DCUN1D5: variants seen among roughly 807,000 people sequenced by gnomAD.
DCUN1D5 encodes DCN1-like protein 5.
DCUN1D5 carries 10 observed loss-of-function variants against 38.3 expected under a neutral mutation model. That is an observed-to-expected ratio of 0.26 (90% CI 0.16 to 0.44). The LOEUF is 0.44. Among genes scored for constraint, DCUN1D5 ranks in the 20% least tolerant of loss-of-function variants. DCUN1D5 has a pLI of 1.00. For missense variants in DCUN1D5, 148 were observed against 275.3 expected, an observed-to-expected ratio of 0.54 and a Z score of 3.27; for synonymous variants, 93 against 90.9, an observed-to-expected ratio of 1.02 and a Z score of -0.13.
chr11:103,074,922 T>C (rs1203495504), intron 4 of DCUN1D5, among the ~76,000 whole-genome samples: 1 of 152,208 alleles, frequency 6.6e-6, no homozygotes, highest in Non-Finnish European at 1.5e-5. Context: ...GGAACCTTTT[T>C]CTGCAAAAAT....
rs71066136 is a variant in DCUN1D5, at chr11:103,051,501, T to TCCCCCCCCC, written c.*10849_*10857dup. ...GATTTGGTGGCTTCACATATTTACT[T>TCCCCCCCCC]CCCCCCCCCCCCCGCCACCCCTGTG... On this transcript the variant is annotated 3_prime_UTR_variant, in exon 8 of 8. Transcript: ENST00000260247. 62 of 111,448 alleles carry TCCCCCCCCC rather than the reference T, an allele frequency of 5.6e-4. 3 individuals are homozygous for TCCCCCCCCC. The highest frequency in any genetic ancestry group is 6.9e-4 in the Non-Finnish European group (39 of 56,718). The allele number at this position is 111,448 out of a possible 1,614,324, so 6.9% of individuals were successfully genotyped here. A position where few individuals can be genotyped will look rare whatever the true frequency, so the allele number is the denominator to read the frequency against.
chr11:103,090,739 C>A (rs1441540740), intron 1 of DCUN1D5, among the ~76,000 whole-genome samples: 1 of 152,114 alleles, frequency 6.6e-6, no homozygotes, highest in Admixed American at 6.5e-5. Flanking sequence ...AGTGAAACCC[C>A]GTCTCTACTA....
chr11:103,091,067 C>T lies in DCUN1D5; in HGVS notation c.86+720G>A, dbSNP rs567948285. Among the ~76,000 whole-genome samples, 53 of 152,198 alleles carry T rather than the reference C, an allele frequency of 3.5e-4. No individual in the cohort carries two copies. Among genetic ancestry groups the T allele is most frequent in the African/African-American group, 1.3e-3 (52 of 41,522 alleles). ...TAGTTCTGCCTTGTCTTCTTTCTTA[C>T]CAGTAGGACAGAGTACAAGAGCTCA... On this transcript the variant is annotated intron_variant, in intron 1 of 7. Transcript: ENST00000260247. The surrounding 1 kb of genome is among the most constrained non-coding windows in gnomAD (Gnocchi z 4.3).
rs1862049794 is a variant in DCUN1D5, at chr11:103,062,967, T to C, written c.659-553A>G. Among the ~76,000 whole-genome samples the C allele has an allele frequency of 6.6e-6, 1 of 152,144 alleles. No individual in the cohort carries two copies. The highest frequency in any genetic ancestry group is 1.5e-5 in the Non-Finnish European group (1 of 67,984). ...AAACTCATTTGCTGACAGAGCCAAGTAGGCAGTTTAAATGAGCTCAGTGTT... is the reference window on the plus strand; with the variant it reads ...AAACTCATTTGCTGACAGAGCCAAGCAGGCAGTTTAAATGAGCTCAGTGTT... On this transcript the variant is annotated intron_variant, in intron 7 of 7. Transcript: ENST00000260247. The surrounding 1 kb of genome is among the most constrained non-coding windows in gnomAD (Gnocchi z 4.6).
Position 103,091,935 on chromosome 11 carries a change from G to T in DCUN1D5, c.-63C>A. 4 of 1,465,116 alleles carry T rather than the reference G, an allele frequency of 2.7e-6. No homozygotes were observed. The South Asian group carries it at 5.0e-5, about 18-fold the overall frequency. The allele number at this position is 1,465,116 out of a possible 1,614,324, so 90.8% of individuals were successfully genotyped here. A position where few individuals can be genotyped will look rare whatever the true frequency, so the allele number is the denominator to read the frequency against. ...GGAAGGGGGTCCCTGTCCGCTGGAA[G>T]CCCCTCAGCGCTGGCACCCAGTTCC... On this transcript the variant is annotated 5_prime_UTR_variant, in exon 1 of 8. Transcript: ENST00000260247. The surrounding 1 kb of genome is among the most constrained non-coding windows in gnomAD (Gnocchi z 4.3).
intron 4 of DCUN1D5, among the ~76,000 whole-genome samples, chr11:103,080,518 CA>C (rs1214760259): frequency 6.9e-6 from 1 of 144,796 alleles, no homozygotes; most frequent in Non-Finnish European, 1.5e-5. Context: ...GGAAAAAAAT[CA>C]ACGATTTTCC....
In DCUN1D5 at chr11:103,077,395, C is replaced by T. The variant is rs1037058240; in HGVS notation, c.341+5353G>A. Among the ~76,000 whole-genome samples the T allele has an allele frequency of 6.6e-5, 10 of 151,910 alleles. No homozygotes were observed. Among genetic ancestry groups the T allele is most frequent in the African/African-American group, 1.5e-4 (6 of 41,334 alleles). On this transcript the variant is annotated intron_variant, in intron 4 of 7. Transcript: ENST00000260247. This position sits in a 1 kb window ranked among gnomAD's most constrained non-coding sequence, Gnocchi z 4.3. Reference sequence around the variant, plus strand: ...AGTTTAGAAAAAAGAATATTTCCTCCGAAATAAAAAGAAATGCATACTTAA... The same window carrying T: ...AGTTTAGAAAAAAGAATATTTCCTCTGAAATAAAAAGAAATGCATACTTAA...
In DCUN1D5 at chr11:103,082,740, T is replaced by A. The variant is rs761781312; in HGVS notation, c.341+8A>T. 15 of 1,594,348 alleles carry A rather than the reference T, an allele frequency of 9.4e-6. 1 individual carries two copies. The East Asian group carries it at 1.3e-4, about 14-fold the overall frequency. ...CCATCAAATTTGTTTTTTAAAAAAA[T>A]TTCTTACTGTAATGAAGTCATTCCC... On this transcript the variant is annotated splice_region_variant and intron_variant, in intron 4 of 7. Coordinates refer to ENST00000260247, the MANE Select transcript of DCUN1D5 (RefSeq NM_032299.4).
Position 103,091,743 on chromosome 11 carries a change from AAAG to A in DCUN1D5, c.86+41_86+43del. ...ACTCCTTTTCCTCCAGTTGTCCAGC[AAAG>A]GAGGGAGGAGGGAAGCTTGAAGGGT... On this transcript the variant is annotated intron_variant, in intron 1 of 7. Transcript: ENST00000260247. This position sits in a 1 kb window ranked among gnomAD's most constrained non-coding sequence, Gnocchi z 4.3. 1 of 1,612,968 alleles carries A rather than the reference AAAG, an allele frequency of 6.2e-7. No individual in the cohort carries two copies. Among genetic ancestry groups the A allele is most frequent in the Non-Finnish European group, 8.5e-7 (1 of 1,179,302 alleles).
chr11:103,054,275 TAGA>T lies in DCUN1D5; in HGVS notation c.*8081_*8083del, dbSNP rs1861818364. On this transcript the variant is annotated 3_prime_UTR_variant, in exon 8 of 8. Coordinates refer to ENST00000260247, the MANE Select transcript of DCUN1D5 (RefSeq NM_032299.4). ...CTTGAAGAAGTAGTGGGAGCAAAGA[TAGA>T]AGGTTAGAATTGTCTCCATAATCTT... 1 of 152,108 alleles carries T rather than the reference TAGA, an allele frequency of 6.6e-6. No individual in the cohort carries two copies. The allele number at this position is 152,108 out of a possible 1,614,324, so 9.4% of individuals were successfully genotyped here.
At position 103,053,643 on chromosome 11, in the gene DCUN1D5, A is replaced by C. The variant is rs1180575828; in HGVS notation, c.*8716T>G. ...GTATCAATGAATTTTAATTATATGAATATATCATACTATCACATGTACCCC... is the reference window on the plus strand; with the variant it reads ...GTATCAATGAATTTTAATTATATGACTATATCATACTATCACATGTACCCC... On this transcript the variant is annotated 3_prime_UTR_variant, in exon 8 of 8. Coordinates refer to ENST00000260247, the MANE Select transcript of DCUN1D5 (RefSeq NM_032299.4). The surrounding 1 kb of genome is among the most constrained non-coding windows in gnomAD (Gnocchi z 4.8). The C allele has an allele frequency of 6.6e-6, 1 of 151,962 alleles. No individual in the cohort carries two copies. Among genetic ancestry groups the C allele is most frequent in the Non-Finnish European group, 1.5e-5 (1 of 67,920 alleles). The allele number at this position is 151,962 out of a possible 1,614,324, so 9.4% of individuals were successfully genotyped here. A position where few individuals can be genotyped will look rare whatever the true frequency, so the allele number is the denominator to read the frequency against.
At chr11:103,084,486 A>G (rs1278396052) in intron 2 of DCUN1D5, among the ~76,000 whole-genome samples, 1 of 152,224 alleles carries the variant, frequency 6.6e-6, no homozygotes, top group Non-Finnish European at 1.5e-5. Flanking sequence ...TTAGGTTTAA[A>G]TAAGTACTAA....
In DCUN1D5 at chr11:103,051,895, A is replaced by C. The variant is rs1034895411; in HGVS notation, c.*10464T>G. 13 of 152,134 alleles carry C rather than the reference A, an allele frequency of 8.5e-5. No homozygotes were observed. The highest frequency in any genetic ancestry group is 1.9e-4 in the Non-Finnish European group (13 of 68,046). The allele number at this position is 152,134 out of a possible 1,614,324, so 9.4% of individuals were successfully genotyped here. ...CCTGCTGCCTAATTAATGTTCTTAAAACACCAAAGTAGCCCCAGCCTTCAT... is the reference window on the plus strand; with the variant it reads ...CCTGCTGCCTAATTAATGTTCTTAACACACCAAAGTAGCCCCAGCCTTCAT... On this transcript the variant is annotated 3_prime_UTR_variant, in exon 8 of 8. Coordinates refer to ENST00000260247, the MANE Select transcript of DCUN1D5 (RefSeq NM_032299.4).
rs1591234521 is a variant in DCUN1D5, at chr11:103,091,613, C to G, written c.86+174G>C. The G allele has an allele frequency of 2.6e-6, 3 of 1,164,892 alleles. No individual in the cohort carries two copies. In the East Asian group the frequency reaches 7.7e-5, roughly 30 times the overall value. 72.2% of individuals were successfully genotyped at this position (1,164,892 alleles called of 1,614,324 possible). A position where few individuals can be genotyped will look rare whatever the true frequency, so the allele number is the denominator to read the frequency against. ...ACGCCAGCGTGCACACACTCGAACA[C>G]GAGGTCGGGTCGGGCGCGGAGACTC... On this transcript the variant is annotated intron_variant, in intron 1 of 7. Transcript: ENST00000260247. The surrounding 1 kb of genome is among the most constrained non-coding windows in gnomAD (Gnocchi z 4.3).
In DCUN1D5 at chr11:103,077,006, G is replaced by A. The variant is rs968197301; in HGVS notation, c.341+5742C>T. Among the ~76,000 whole-genome samples, 26 of 152,116 alleles carry A rather than the reference G, an allele frequency of 1.7e-4. No individual in the cohort carries two copies. The highest frequency in any genetic ancestry group is 5.3e-4 in the African/African-American group (22 of 41,424). On this transcript the variant is annotated intron_variant, in intron 4 of 7. Coordinates refer to ENST00000260247, the MANE Select transcript of DCUN1D5 (RefSeq NM_032299.4). This position sits in a 1 kb window ranked among gnomAD's most constrained non-coding sequence, Gnocchi z 4.3. ...GAGGTCAGGAGATCAAGACCATCCC[G>A]GCTAACATGGTGAAACCCCGTCTCT...
chr11:103,079,086 C>T (rs1012028447), intron 4 of DCUN1D5, among the ~76,000 whole-genome samples: 3 of 152,188 alleles, frequency 2.0e-5, no homozygotes, highest in Admixed American at 6.5e-5. Context: ...AGAACAGCAG[C>T]GGCATTCGAT....
chr11:103,069,364 A>T (rs1285522786), intron 4 of DCUN1D5, among the ~76,000 whole-genome samples: 1 of 152,202 alleles, frequency 6.6e-6, no homozygotes, highest in Non-Finnish European at 1.5e-5. Context: ...AAACTCTTAG[A>T]AAACAAACAC....
In DCUN1D5 at chr11:103,058,752, C is replaced by A. The variant is rs2134593420; in HGVS notation, c.*3607G>T. ...TAATGAAATTGTTATTCCTCTTTCT[C>A]CTGAAAAAAAAATGATCCTTTCTTT... On this transcript the variant is annotated 3_prime_UTR_variant, in exon 8 of 8. Transcript: ENST00000260247. Among the ~76,000 whole-genome samples the A allele has an allele frequency of 6.6e-6, 1 of 151,674 alleles. No individual in the cohort carries two copies. The highest frequency in any genetic ancestry group is 2.4e-5 in the African/African-American group (1 of 41,404).
At position 103,065,975 on chromosome 11, in the gene DCUN1D5, G is replaced by A. The variant is rs1464799815; in HGVS notation, c.555+294C>T. ...TGTGTACTAGCATTAACTCTCTTAT[G>A]AAAACCCCGAGAAACTAATTCTGCA... On this transcript the variant is annotated intron_variant, in intron 6 of 7. Transcript: ENST00000260247. This position sits in a 1 kb window ranked among gnomAD's most constrained non-coding sequence, Gnocchi z 4.6. Among the ~76,000 whole-genome samples, 1 of 151,896 alleles carries A rather than the reference G, an allele frequency of 6.6e-6. No individual in the cohort carries two copies. The highest frequency in any genetic ancestry group is 2.4e-5 in the African/African-American group (1 of 41,348).
Sources: gnomAD v4.1 joint callset for allele counts (sites outside exome capture counted in the v4.1 genomes callset) on GRCh38, gnomAD v4.1.1 for gene constraint, Gnocchi (gnomAD v3.1) non-coding constraint, MANE v1.5 for transcripts, NCBI Gene and HGNC (gene_info 2026-07-23, HGNC 2026-07-21) for gene names.